The following EZH1 variants were observed in gnomAD, a reference collection of about 807,000 sequenced individuals.
EZH1 encodes the protein enhancer of zeste 1 polycomb repressive complex 2 subunit, also known as histone-lysine N-methyltransferase EZH1.
In EZH1, 33 loss-of-function variants were observed where a neutral mutation model predicts 100.5. The observed-to-expected ratio is 0.33, with a 90% CI of 0.25 to 0.44. The LOEUF (loss-of-function observed/expected upper bound fraction) is 0.44, where lower values mean the gene tolerates loss of function less well. EZH1 is among the 20% of genes least tolerant of loss of function. The pLI is 1.00. For synonymous variants in EZH1, 272 were observed against 313.8 expected, an observed-to-expected ratio of 0.87 and a Z score of 1.41; for missense variants, 475 against 928.4, an observed-to-expected ratio of 0.51 and a Z score of 6.35.
Position 42,708,077 on chromosome 17 carries a change from G to C in EZH1, c.1541C>G (p.Ser514Cys), listed in dbSNP as rs762544916. The C allele has an allele frequency of 5.0e-6, 8 of 1,603,912 alleles. No individual in the cohort carries two copies. Among genetic ancestry groups the C allele is most frequent in the Non-Finnish European group, 6.8e-6 (8 of 1,175,650 alleles). Residue 514 changes from serine to cysteine, a missense_variant, in exon 15 of 21, where the codon TCT (serine) becomes TGT (cysteine). Transcript: ENST00000428826. ...CRKIQLKKDN[S>C]STQVYNYQPC... is the part of the protein sequence containing the mutation. The stretch of plus-strand genomic sequence containing the variant: ...TTGGTAGTTGTACACTTGTGTGGAA[G>C]AGTTATCTAGGAAAGAAAACAGAGG...
At chr17:42,719,713 G>C (rs914890183) in intron 7 of EZH1, among the ~76,000 whole-genome samples, 1 of 151,932 alleles carries the variant, frequency 6.6e-6, no homozygotes. Flanking sequence ...CTCCACCTTG[G>C]GTAACAGAGC....
At chr17:42,704,893 T>A (rs145346032) in intron 17 of EZH1, among the ~76,000 whole-genome samples, 195 bp downstream of exon 17, 1 of 152,202 alleles carries the variant, frequency 6.6e-6, no homozygotes, top group South Asian at 2.1e-4. Flanking sequence ...CCTCATCTCT[T>A]GTGTCTGGAG....
chr17:42,722,928 C>G lies in EZH1; in HGVS notation c.367-13G>C, dbSNP rs754190980. On this transcript the variant is annotated splice_polypyrimidine_tract_variant and intron_variant, in intron 5 of 20. Transcript: ENST00000428826. Reference sequence around the variant, plus strand: ...TCTCATCTTCTACCTGAAACCAAACCAGATGTGATTTATTCCATGAAGCCA... The same window carrying G: ...TCTCATCTTCTACCTGAAACCAAACGAGATGTGATTTATTCCATGAAGCCA... 5.0e-6 allele frequency: 8 copies of G among 1,611,496 alleles called. No homozygotes were observed. The highest frequency in any genetic ancestry group is 3.3e-4 in the Middle Eastern group (2 of 6,046).
At chr17:42,713,826 T>C (rs1167718038) in intron 10 of EZH1, among the ~76,000 whole-genome samples, 1 of 152,228 alleles carries the variant, frequency 6.6e-6, no homozygotes, top group Non-Finnish European at 1.5e-5. Flanking sequence ...CAGTGAGTTG[T>C]ATCTAAAATT....
At position 42,718,214 on chromosome 17, in the gene EZH1, C is replaced by A. The variant is rs769825515; in HGVS notation, c.932-147G>T. ...GTGCACAAAATTCAGTCATTTCTGA[C>A]ATCAACACAATGCTTTCAAAGCTAA... On this transcript the variant is annotated intron_variant, in intron 9 of 20. Transcript: ENST00000428826. The surrounding 1 kb of genome is among the most constrained non-coding windows in gnomAD (Gnocchi z 4.2). 1.4e-5 allele frequency: 12 copies of A among 857,780 alleles called. No homozygotes were observed. Among genetic ancestry groups the A allele is most frequent in the Admixed American group, 2.4e-5 (1 of 41,634 alleles). The allele number at this position is 857,780 out of a possible 1,614,324, so 53.1% of individuals were successfully genotyped here.
intron 6 of EZH1, among the ~76,000 whole-genome samples, chr17:42,722,444 G>A (rs868860650): frequency 1.1e-4 from 17 of 151,942 alleles, no homozygotes; most frequent in African/African-American, 4.1e-4. Flanking sequence ...GACCAACATG[G>A]TGAAACCCCA....
intron 2 of EZH1, among the ~76,000 whole-genome samples, chr17:42,730,487 CTTTTTTTTTTTTTTT>C (rs1156867481): frequency 4.5e-5 from 3 of 66,666 alleles, no homozygotes; most frequent in East Asian, 5.5e-4. Flanking sequence ...AGTATGTATT[CTTTTTTTTTTTTTTT>C]TTTTTTTTTT....
intron 11 of EZH1, among the ~76,000 whole-genome samples, chr17:42,712,699 T>C (rs1567988867): frequency 6.6e-6 from 1 of 151,806 alleles, no homozygotes; most frequent in African/African-American, 2.4e-5. Flanking sequence ...GCTCAGGAGT[T>C]CAAGACCAGC....
rs2053255283 is a variant in EZH1, at chr17:42,702,207, G to A, written c.*325C>T. The stretch of plus-strand genomic sequence containing the variant: ...TTGGGAACTGCCTAAGTTGATTCCT[G>A]AGGCCACAGCCTGGGGAGCCGACAC... On this transcript the variant is annotated 3_prime_UTR_variant, in exon 21 of 21. Coordinates refer to ENST00000428826, the MANE Select transcript of EZH1 (RefSeq NM_001991.5). 3.5e-6 allele frequency: 1 copy of A among 282,398 alleles called. No individual in the cohort carries two copies. Among genetic ancestry groups the A allele is most frequent in the Admixed American group, 4.7e-5 (1 of 21,280 alleles). The allele number at this position is 282,398 out of a possible 1,614,324, so 17.5% of individuals were successfully genotyped here.
intron 10 of EZH1, among the ~76,000 whole-genome samples, chr17:42,717,676 C>G: frequency 6.6e-6 from 1 of 152,152 alleles, no homozygotes; most frequent in East Asian, 1.9e-4. Context: ...CCCACCCCCC[C>G]AGCATACACT....
At chr17:42,741,982 T>G (rs970057614) in intron 1 of EZH1, among the ~76,000 whole-genome samples, 1 of 152,092 alleles carries the variant, frequency 6.6e-6, no homozygotes, top group Non-Finnish European at 1.5e-5. Context: ...TGAGCCACAG[T>G]GTCCAGACTT....
At chr17:42,720,869 G>A (rs1048183877) in intron 6 of EZH1, among the ~76,000 whole-genome samples, 1 of 151,990 alleles carries the variant, frequency 6.6e-6, no homozygotes, top group African/African-American at 2.4e-5. Flanking sequence ...CAGGCTGGTC[G>A]TGAACTCCAG....
Position 42,718,702 on chromosome 17 carries a change from C to T in EZH1, c.768-85G>A. 1 of 1,446,790 alleles carries T rather than the reference C, an allele frequency of 6.9e-7. No homozygotes were observed. The highest frequency in any genetic ancestry group is 2.3e-5 in the East Asian group (1 of 43,742). The allele number at this position is 1,446,790 out of a possible 1,614,324, so 89.6% of individuals were successfully genotyped here. ...AGATTGGGTACTGACAGTAGCTCAC[C>T]TACGGTCTGCCAAGGGAGGATGGGT... On this transcript the variant is annotated intron_variant, in intron 8 of 20. Transcript: ENST00000428826. This position sits in a 1 kb window ranked among gnomAD's most constrained non-coding sequence, Gnocchi z 4.2.
At chr17:42,715,218 T>C (rs886363697) in intron 10 of EZH1, among the ~76,000 whole-genome samples, 5 of 143,976 alleles carry the variant, frequency 3.5e-5, no homozygotes, top group East Asian at 2.0e-4. Context: ...TAATATATAT[T>C]ATAGATTATA....
intron 20 of EZH1, 108 bp from the exon 21 acceptor site, chr17:42,702,700 T>A: frequency 7.6e-7 from 1 of 1,318,444 alleles, no homozygotes. Context: ...AAGGGCTGTT[T>A]ACAATGGTCC....
chr17:42,740,528 G>A (rs955720947), intron 1 of EZH1, among the ~76,000 whole-genome samples: 4 of 152,082 alleles, frequency 2.6e-5, no homozygotes, highest in African/African-American at 9.7e-5. Context: ...GAGCCACTAC[G>A]CCCAGCCTAC....
Position 42,701,520 on chromosome 17 carries a change from T to G in EZH1, c.*1012A>C, listed in dbSNP as rs771700944. On this transcript the variant is annotated 3_prime_UTR_variant, in exon 21 of 21. Coordinates refer to ENST00000428826, the MANE Select transcript of EZH1 (RefSeq NM_001991.5). ...AGGCACTACAGACAGGAAAGCAGATTACACCAATCTTTCTCCTCTCTAGTC... is the reference window on the plus strand; with the variant it reads ...AGGCACTACAGACAGGAAAGCAGATGACACCAATCTTTCTCCTCTCTAGTC... 1.3e-5 allele frequency: 2 copies of G among 152,842 alleles called. No homozygotes were observed. Among genetic ancestry groups the G allele is most frequent in the Non-Finnish European group, 2.9e-5 (2 of 68,090 alleles). 9.5% of individuals were successfully genotyped at this position (152,842 alleles called of 1,614,324 possible).
Position 42,706,654 on chromosome 17 carries a change from C to T in EZH1, c.1661-469G>A, listed in dbSNP as rs2053359384. 6.6e-6 allele frequency among the ~76,000 whole-genome samples: 1 copy of T among 151,972 alleles called. No individual in the cohort carries two copies. Among genetic ancestry groups the T allele is most frequent in the South Asian group, 2.1e-4 (1 of 4,828 alleles). The stretch of plus-strand genomic sequence containing the variant: ...AGTGAGCCATAATTGTGCCACTTCT[C>T]TCCAGCCTGAGCAACAGAGCTGAGA... On this transcript the variant is annotated intron_variant, in intron 15 of 20. Transcript: ENST00000428826. This position sits in a 1 kb window ranked among gnomAD's most constrained non-coding sequence, Gnocchi z 4.4.
Position 42,706,002 on chromosome 17 carries a change from C to T in EZH1, c.1839+5G>A, listed in dbSNP as rs75189448. The stretch of plus-strand genomic sequence containing the variant: ...GTGGTGTGGGGTCCTGAGGAAAGGC[C>T]TCACCTTCTTAAGTCCACGCTGGAT... On this transcript the variant is annotated splice_donor_5th_base_variant and intron_variant, in intron 16 of 20. Transcript: ENST00000428826. The surrounding 1 kb of genome is among the most constrained non-coding windows in gnomAD (Gnocchi z 4.4). The T allele has an allele frequency of 5.1e-3, 8,226 of 1,609,314 alleles. 373 individuals are homozygous for T. The African/African-American group carries it at 0.096, about 19-fold the overall frequency.
Sources: gnomAD v4.1 joint callset for allele counts (sites outside exome capture counted in the v4.1 genomes callset) on GRCh38, gnomAD v4.1.1 for gene constraint, Gnocchi (gnomAD v3.1) non-coding constraint, MANE v1.5 for transcripts, NCBI Gene and HGNC (gene_info 2026-07-23, HGNC 2026-07-21) for gene names.